The following NBEA variants were observed in gnomAD, a reference collection of about 807,000 sequenced individuals.
NBEA encodes the protein lysosomal-trafficking regulator 2.
NBEA carries 44 observed loss-of-function variants against 343.4 expected under a neutral mutation model. That is an observed-to-expected ratio of 0.13 (90% CI 0.10 to 0.16). NBEA has a LOEUF of 0.16. Among genes scored for constraint, NBEA ranks in the 10% least tolerant of loss-of-function variants. The pLI, the probability that NBEA is intolerant of heterozygous loss-of-function variation, is 1.00. For synonymous variants in NBEA, 1,175 were observed against 1,238.7 expected (o/e 0.95, Z 1.08); for missense variants, 2,555 against 3,631.3 (o/e 0.70, Z 7.62).
intron 34 of NBEA, among the ~76,000 whole-genome samples, chr13:35,283,861 T>G (rs897630322): frequency 1.3e-5 from 2 of 152,144 alleles, no homozygotes; most frequent in African/African-American, 4.8e-5. Flanking sequence ...GTATCATGGA[T>G]GTACAGCTGA....
chr13:35,563,136 T>TAGATAGATAG (rs1555303306), intron 44 of NBEA, among the ~76,000 whole-genome samples: 8 of 84,210 alleles, frequency 9.5e-5, no homozygotes, highest in Middle Eastern at 4.7e-3. Context: ...TGTGTGGAGA[T>TAGATAGATAG]AGATAGATAG....
At chr13:35,409,345 G>A (rs915343924) in intron 38 of NBEA, among the ~76,000 whole-genome samples, 23 of 152,076 alleles carry the variant, frequency 1.5e-4, no homozygotes, top group African/African-American at 5.1e-4. Flanking sequence ...CTATATGAGA[G>A]TGGAGGGTGG....
At chr13:35,012,612 G>C (rs1330003469) in intron 1 of NBEA, among the ~76,000 whole-genome samples, 2 of 152,124 alleles carry the variant, frequency 1.3e-5, no homozygotes, top group East Asian at 1.9e-4. Flanking sequence ...TAAGTGACAG[G>C]GTTGGGATTT....
chr13:35,592,653 G>A (rs1054717101), intron 46 of NBEA, among the ~76,000 whole-genome samples: 1 of 152,070 alleles, frequency 6.6e-6, no homozygotes, highest in Non-Finnish European at 1.5e-5. Context: ...GAGTAGTGTG[G>A]CAAGATTTTA....
chr13:35,479,157 G>A (rs1455265334), intron 41 of NBEA, among the ~76,000 whole-genome samples: 2 of 152,248 alleles, frequency 1.3e-5, no homozygotes, highest in African/African-American at 4.8e-5. Context: ...GTTCAGGAAA[G>A]TGAAGTCATT....
intron 17 of NBEA, among the ~76,000 whole-genome samples, chr13:35,136,128 A>C (rs1777174498): frequency 6.6e-6 from 1 of 152,158 alleles, no homozygotes. Flanking sequence ...GCATCACATA[A>C]AGCAATGCAT....
chr13:35,620,378 A>T (rs2082927366), intron 48 of NBEA, among the ~76,000 whole-genome samples: 1 of 151,788 alleles, frequency 6.6e-6, no homozygotes, highest in South Asian at 2.1e-4. Context: ...GAGCCAAGTG[A>T]CTCTCTTGGG....
At chr13:35,010,726 C>CAAAAAAA (rs769896169) in intron 1 of NBEA, among the ~76,000 whole-genome samples, 2 of 9,698 alleles carry the variant, frequency 2.1e-4, no homozygotes, top group African/African-American at 3.1e-4. Context: ...TGGGTCTCTA[C>CAAAAAAA]AAAAAAAAAA....
chr13:35,414,978 G>T (rs1005628992), intron 38 of NBEA, among the ~76,000 whole-genome samples: 23 of 152,150 alleles, frequency 1.5e-4, no homozygotes. Context: ...TTTCTCTGAT[G>T]GCCAGTGATG....
chr13:35,298,116 G>C (rs1281745897), intron 35 of NBEA, among the ~76,000 whole-genome samples: 1 of 149,646 alleles, frequency 6.7e-6, no homozygotes, highest in East Asian at 2.0e-4. Context: ...TAATCTTACA[G>C]TAAAATAAGC....
At chr13:35,140,563 A>G (rs919385025) in intron 17 of NBEA, among the ~76,000 whole-genome samples, 1 of 152,026 alleles carries the variant, frequency 6.6e-6, no homozygotes, top group Admixed American at 6.6e-5. Context: ...TGTTTTGCAA[A>G]CACAGCTGCA....
intron 34 of NBEA, among the ~76,000 whole-genome samples, chr13:35,266,280 G>T (rs2033668505): frequency 6.6e-6 from 1 of 151,800 alleles, no homozygotes; most frequent in South Asian, 2.1e-4. Flanking sequence ...CAGAATGGAG[G>T]TTCTTCAAAA....
At chr13:35,641,076 G>A (rs2083925202) in intron 49 of NBEA, among the ~76,000 whole-genome samples, 1 of 150,886 alleles carries the variant, frequency 6.6e-6, no homozygotes, top group Non-Finnish European at 1.5e-5. Flanking sequence ...ACAATTCCAG[G>A]TAAAGAAATA....
At chr13:35,382,086 A>G (rs572987833) in intron 38 of NBEA, among the ~76,000 whole-genome samples, 2 of 152,290 alleles carry the variant, frequency 1.3e-5, no homozygotes, top group Admixed American at 6.5e-5. Flanking sequence ...GAAACAAGCC[A>G]TATAGTACCT....
intron 34 of NBEA, among the ~76,000 whole-genome samples, chr13:35,233,309 A>G (rs1331369852): frequency 2.6e-5 from 4 of 152,238 alleles, no homozygotes; most frequent in Middle Eastern, 3.4e-3. Flanking sequence ...GCATCCTTGT[A>G]TATCTTTTTT....
In NBEA at chr13:35,288,192, C is replaced by A. The variant is rs544109016; in HGVS notation, c.5777-2197C>A. Reference sequence around the variant, plus strand: ...TCATGCATATACAGCTTAAGAGTTACTTATAGCATCAGTCAGTGGTTGTAT... The same window carrying A: ...TCATGCATATACAGCTTAAGAGTTAATTATAGCATCAGTCAGTGGTTGTAT... On this transcript the variant is annotated intron_variant, in intron 34 of 58. Transcript: ENST00000379939. 3.4e-4 allele frequency among the ~76,000 whole-genome samples: 52 copies of A among 152,068 alleles called. 1 individual carries two copies. The South Asian group carries it at 0.01, about 30-fold the overall frequency.
chr13:35,601,179 C>CA lies in NBEA; in HGVS notation c.7297-5232dup, dbSNP rs34151272. ...GTGACAGAGCAAAACTGCATCTCAA[C>CA]AAAAAAAAAAAAAAAGAAACACACT... On this transcript the variant is annotated intron_variant, in intron 47 of 58. Coordinates refer to ENST00000379939, the MANE Select transcript of NBEA (RefSeq NM_001385012.1). Among the ~76,000 whole-genome samples the CA allele has an allele frequency of 3.0e-3, 440 of 146,772 alleles. 5 individuals carry two copies. Among genetic ancestry groups the CA allele is most frequent in the African/African-American group, 0.01 (390 of 38,750 alleles).
intron 34 of NBEA, among the ~76,000 whole-genome samples, chr13:35,244,601 T>C (rs2030891909): frequency 6.6e-6 from 1 of 152,088 alleles, no homozygotes; most frequent in African/African-American, 2.4e-5. Flanking sequence ...ATGTGGGCTC[T>C]TTTTTGGTTC....
chr13:35,503,647 G>C (rs1025567232), intron 41 of NBEA, among the ~76,000 whole-genome samples: 5 of 151,968 alleles, frequency 3.3e-5, no homozygotes, highest in Non-Finnish European at 7.4e-5. Context: ...CTGGTATTGA[G>C]AATTCATGGT....
Sources: gnomAD v4.1 joint callset for allele counts (sites outside exome capture counted in the v4.1 genomes callset) on GRCh38, gnomAD v4.1.1 for gene constraint, MANE v1.5 for transcripts, NCBI Gene and HGNC (gene_info 2026-07-23, HGNC 2026-07-21) for gene names.